TPP2: variants seen among roughly 807,000 people sequenced by gnomAD.
TPP2 encodes the protein tripeptidyl peptidase 2, also known as tripeptidyl-peptidase 2.
TPP2 carries 34 observed loss-of-function variants against 155.9 expected under a neutral mutation model. The ratio of observed to expected loss-of-function variants is 0.22; its 90% confidence interval spans 0.17 to 0.29. The LOEUF (loss-of-function observed/expected upper bound fraction) is 0.29. Ranked by LOEUF, TPP2 falls within the 10% of genes least tolerant of loss-of-function variation. TPP2 has a pLI of 1.00. For missense variants in TPP2, 1,028 were observed against 1,522.3 expected (o/e 0.68, Z 5.40); for synonymous variants, 510 against 529.4 (o/e 0.96, Z 0.50).
chr13:102,617,347 T>C (rs1395212341), intron 4 of TPP2, among the ~76,000 whole-genome samples: 1 of 152,212 alleles, frequency 6.6e-6, no homozygotes, highest in African/African-American at 2.4e-5. Flanking sequence ...GGTTCCCATA[T>C]ACTGATTTGT....
intron 23 of TPP2, 135 bp downstream of exon 23, chr13:102,649,621 T>C: frequency 1.4e-6 from 1 of 694,698 alleles, no homozygotes. Context: ...AATCCTTTTT[T>C]CCCAGGTTAC....
chr13:102,621,170 G>T (rs1166069932), intron 5 of TPP2, among the ~76,000 whole-genome samples: 1 of 152,198 alleles, frequency 6.6e-6, no homozygotes, highest in Non-Finnish European at 1.5e-5. Flanking sequence ...TGTGTTGGTT[G>T]TATTGTTGAG....
At position 102,657,224 on chromosome 13, in the gene TPP2, A is replaced by C; in HGVS notation, c.3143+17A>C. The C allele has an allele frequency of 6.5e-7, 1 of 1,550,124 alleles. No individual in the cohort carries two copies. Among genetic ancestry groups the C allele is most frequent in the South Asian group, 1.2e-5 (1 of 80,722 alleles). Reference sequence around the variant, plus strand: ...GATGACAAAGTAGGTTTTTAAATGTATTTTAATTCTTTAAATGTTTAGTTC... The same window carrying C: ...GATGACAAAGTAGGTTTTTAAATGTCTTTTAATTCTTTAAATGTTTAGTTC... On this transcript the variant is annotated intron_variant, in intron 25 of 29. Transcript: ENST00000376052.
intron 1 of TPP2, among the ~76,000 whole-genome samples, chr13:102,598,390 G>A (rs1313096657): frequency 6.6e-6 from 1 of 152,166 alleles, no homozygotes; most frequent in East Asian, 1.9e-4. Context: ...TAACGAGGGG[G>A]AGTCTGGCCG....
chr13:102,641,507 A>G (rs1204165522), intron 16 of TPP2, among the ~76,000 whole-genome samples: 1 of 152,186 alleles, frequency 6.6e-6, no homozygotes, highest in Non-Finnish European at 1.5e-5. Flanking sequence ...GAAAGTACAG[A>G]TATATTTACA....
chr13:102,652,389 C>A (rs1883556792), intron 24 of TPP2, among the ~76,000 whole-genome samples: 1 of 47,018 alleles, frequency 2.1e-5, no homozygotes, highest in African/African-American at 8.6e-5. Context: ...CAAAACAAAA[C>A]ATACATACAT....
chr13:102,630,047 C>G, intron 9 of TPP2, 49 bp from the exon 10 acceptor site: 1 of 1,515,040 alleles, frequency 6.6e-7, no homozygotes, highest in East Asian at 2.3e-5. Context: ...GATTTGGAAT[C>G]AGGATCCCCG....
chr13:102,600,420 G>T (rs1879345635), intron 1 of TPP2, among the ~76,000 whole-genome samples: 1 of 150,350 alleles, frequency 6.7e-6, no homozygotes, highest in African/African-American at 2.5e-5. Flanking sequence ...GTATTTATGT[G>T]TGTTTGCCAT....
Position 102,657,179 on chromosome 13 carries a change from C to T in TPP2, c.3115C>T (p.Arg1039Ter). 6.3e-7 allele frequency: 1 copy of T among 1,578,364 alleles called. No homozygotes were observed. The highest frequency in any genetic ancestry group is 8.5e-7 in the Non-Finnish European group (1 of 1,170,398). ...AAAAGAAGAGTTTACTGAAGCATTA[C>T]GAGATCTTAAAATTCAGTGGATGAC... ...DLKEEFTEAL[R>*]DLKIQWMTKL... is the part of the protein sequence containing the mutation. The change falls in exon 25 of 30, where the codon CGA becomes TGA. Residue 1039 changes from arginine to a stop codon, truncating the protein, a stop_gained. Transcript: ENST00000376052. LOFTEE classifies it high-confidence loss of function.
At position 102,630,085 on chromosome 13, in the gene TPP2, C is replaced by G. The variant is rs781422686; in HGVS notation, c.1145-11C>G. ...TGTTTTCTTTTCTTAATGATTAAAT[C>G]CATCCCACAGGTGTTGGTGCTTATG... On this transcript the variant is annotated splice_polypyrimidine_tract_variant and intron_variant, in intron 9 of 29. Transcript: ENST00000376052. The G allele has an allele frequency of 2.5e-6, 4 of 1,608,630 alleles. No individual in the cohort carries two copies. In the South Asian group the frequency reaches 4.4e-5, roughly 18 times the overall value.
intron 21 of TPP2, among the ~76,000 whole-genome samples, chr13:102,648,259 G>GA (rs930176267): frequency 8.5e-5 from 13 of 152,260 alleles, no homozygotes; most frequent in Admixed American, 5.9e-4. Flanking sequence ...ACATGCCTGT[G>GA]ATCCCGTCTA....
At position 102,612,175 on chromosome 13, in the gene TPP2, T is replaced by C. The variant is rs142892746; in HGVS notation, c.295-1926T>C. ...ATGAATGACTTGGCCAGATTCAGCA[T>C]GGTACTTAGATGCAGTGACAGCCAA... On this transcript the variant is annotated intron_variant, in intron 2 of 29. Coordinates refer to ENST00000376052, the MANE Select transcript of TPP2 (RefSeq NM_001330588.2). Among the ~76,000 whole-genome samples the C allele has an allele frequency of 4.2e-4, 64 of 152,350 alleles. 1 individual carries two copies. The highest frequency in any genetic ancestry group is 1.5e-3 in the African/African-American group (61 of 41,588).
intron 27 of TPP2, chr13:102,667,920 A>T (rs1314097198): frequency 3.1e-6 from 2 of 654,894 alleles, no homozygotes; most frequent in Admixed American, 6.3e-5. Context: ...GACTGCCAGC[A>T]CTAAGGGCCA....
At chr13:102,604,632 T>C (rs746979296) in intron 1 of TPP2, among the ~76,000 whole-genome samples, 161 bp from the exon 2 acceptor site, 3 of 152,272 alleles carry the variant, frequency 2.0e-5, no homozygotes, top group Non-Finnish European at 4.4e-5. Context: ...TTAAATTTTC[T>C]TACTAGTATT....
chr13:102,666,547 C>T (rs959367329), intron 27 of TPP2, among the ~76,000 whole-genome samples: 8 of 151,940 alleles, frequency 5.3e-5, no homozygotes, highest in African/African-American at 1.2e-4. Flanking sequence ...CTGCAGCCCC[C>T]GACATTAACT....
In TPP2 at chr13:102,649,018, T is replaced by C; in HGVS notation, c.2740T>C (p.Leu914=). The C allele has an allele frequency of 1.2e-6, 2 of 1,613,908 alleles. No homozygotes were observed. The highest frequency in any genetic ancestry group is 1.7e-6 in the Non-Finnish European group (2 of 1,179,944). ...CCTTCCATTTATTGTTTCTCATAGA[T>C]TGTCTAATACCTTGAGCTTAGATAT... ...KDLPFIVSHR[L]SNTLSLDIHE... Residue 914 remains leucine (L), a synonymous_variant, in exon 22 of 30, where the codon TTG becomes CTG. Transcript: ENST00000376052.
intron 3 of TPP2, among the ~76,000 whole-genome samples, chr13:102,615,989 C>T (rs1818072276): frequency 6.6e-6 from 1 of 150,576 alleles, no homozygotes; most frequent in Non-Finnish European, 1.5e-5. Context: ...CAGAGTCTTA[C>T]TCTGTTGCCC....
At chr13:102,617,425 C>T (rs753266992) in intron 4 of TPP2, among the ~76,000 whole-genome samples, 7 of 152,044 alleles carry the variant, frequency 4.6e-5, no homozygotes, top group African/African-American at 1.7e-4. Context: ...TTAAGTTTTC[C>T]GGGCTTTATC....
At chr13:102,623,079 T>G (rs1284430805) in intron 6 of TPP2, 39 bp downstream of exon 6, 6 of 1,587,880 alleles carry the variant, frequency 3.8e-6, no homozygotes, top group Non-Finnish European at 4.3e-6. Flanking sequence ...TATAGATTTA[T>G]GAGGTGATAA....
Sources: allele counts gnomAD v4.1 joint callset (sites outside exome capture counted in the v4.1 genomes callset), GRCh38; gene constraint gnomAD v4.1.1; transcripts MANE v1.5; gene names NCBI Gene and HGNC (gene_info 2026-07-23, HGNC 2026-07-21).